The following BAZ2B variants were observed in gnomAD, a reference collection of about 807,000 sequenced individuals.
BAZ2B encodes the protein bromodomain adjacent to zinc finger domain protein 2B.
A neutral mutation model predicts 246.0 loss-of-function variants in BAZ2B; 91 were observed. The ratio of observed to expected loss-of-function variants is 0.37; its 90% CI spans 0.31 to 0.44. BAZ2B has a LOEUF of 0.44. Ranked by LOEUF, BAZ2B falls within the 20% of genes least tolerant of loss-of-function variation. BAZ2B has a pLI of 1.00. For synonymous variants in BAZ2B, 855 were observed against 860.0 expected, an observed-to-expected ratio of 0.99 and a Z score of 0.10; for missense variants, 2,332 against 2,533.7, an observed-to-expected ratio of 0.92 and a Z score of 1.71.
intron 2 of BAZ2B, among the ~76,000 whole-genome samples, chr2:159,533,392 A>G (rs2151331183): frequency 6.6e-6 from 1 of 152,352 alleles, no homozygotes; most frequent in African/African-American, 2.4e-5. Flanking sequence ...GTCTCACCGT[A>G]AACTAGCTGT....
At chr2:159,450,839 A>C (rs2074993483) in intron 4 of BAZ2B, among the ~76,000 whole-genome samples, 1 of 151,560 alleles carries the variant, frequency 6.6e-6, no homozygotes. Flanking sequence ...TCCCGGATTC[A>C]AGTGATTCTC....
chr2:159,605,323 A>C (rs1693214630), intron 1 of BAZ2B, among the ~76,000 whole-genome samples: 1 of 152,132 alleles, frequency 6.6e-6, no homozygotes, highest in Non-Finnish European at 1.5e-5. Flanking sequence ...GGTGTGAGGC[A>C]CTGCACCTGG....
rs201391634 is a variant in BAZ2B at position 159,453,638 on chromosome 2, T to G, written c.309A>C (p.Ala103=). The stretch of plus-strand genomic sequence containing the variant: ...CTGGAAAAGATGCTAGTTGGGGATG[T>G]GCGGCTAAGGCTGTGGGTGTACCAA... ...GTLGTPTALA[A]HPQLASFPGA... Residue 103 remains alanine (A), a synonymous_variant, in exon 4 of 37, where the codon GCA becomes GCC. Coordinates refer to ENST00000392783, the MANE Select transcript of BAZ2B (RefSeq NM_013450.4). 4 of 1,610,494 alleles carry G rather than the reference T, an allele frequency of 2.5e-6. No individual in the cohort carries two copies. In the Admixed American group the frequency reaches 6.7e-5, roughly 27 times the overall value.
chr2:159,694,332 T>G, the BAZ2B span: 2 of 152,198 alleles, frequency 1.3e-5, no homozygotes, highest in African/African-American at 2.4e-5. Flanking sequence ...GCCTGTAGTA[T>G]TATTTGTTAT....
intron 27 of BAZ2B, among the ~76,000 whole-genome samples, chr2:159,363,342 G>A (rs528587614): frequency 6.6e-5 from 10 of 152,268 alleles, no homozygotes; most frequent in East Asian, 1.9e-4. Flanking sequence ...CTGTGTTAGC[G>A]TAATTATAAG....
At chr2:159,540,362 T>C (rs1166062393) in intron 2 of BAZ2B, among the ~76,000 whole-genome samples, 1 of 152,204 alleles carries the variant, frequency 6.6e-6, no homozygotes, top group Non-Finnish European at 1.5e-5. Context: ...CCTTACTGAA[T>C]ATCAATACTA....
intron 6 of BAZ2B, among the ~76,000 whole-genome samples, chr2:159,442,096 T>TA (rs2073514890): frequency 6.6e-6 from 1 of 152,096 alleles, no homozygotes; most frequent in Non-Finnish European, 1.5e-5. Context: ...GAGTGATAAA[T>TA]ACCATAAGTA....
intron 9 of BAZ2B, 56 bp downstream of exon 9, chr2:159,432,701 A>G: frequency 6.5e-7 from 1 of 1,550,108 alleles, no homozygotes; most frequent in Non-Finnish European, 8.7e-7. Flanking sequence ...ACCCTTTAAA[A>G]TGTTTGGTTC....
chr2:159,682,475 C>T, the BAZ2B span, among the ~76,000 whole-genome samples: 1 of 152,152 alleles, frequency 6.6e-6, no homozygotes, highest in Admixed American at 6.5e-5. Flanking sequence ...CCAAACCTGG[C>T]CTTCAGGCTC....
intron 1 of BAZ2B, among the ~76,000 whole-genome samples, chr2:159,589,897 C>T (rs1218076546): frequency 6.6e-6 from 1 of 151,992 alleles, no homozygotes; most frequent in Non-Finnish European, 1.5e-5. Flanking sequence ...TTTAAGGATA[C>T]CCAGCAAGGC....
chr2:159,663,059 T>G, the BAZ2B span, among the ~76,000 whole-genome samples: 1 of 152,182 alleles, frequency 6.6e-6, no homozygotes, highest in Non-Finnish European at 1.5e-5. Flanking sequence ...AGATACAAGT[T>G]TCTTATTAAA....
At chr2:159,347,695 C>T (rs1417804027) in intron 30 of BAZ2B, 49 bp from the exon 31 acceptor site, 9 of 1,420,204 alleles carry the variant, frequency 6.3e-6, no homozygotes, top group Non-Finnish European at 7.7e-6. Context: ...TAAGCTTTTC[C>T]CCACAGAGAC....
intron 19 of BAZ2B, among the ~76,000 whole-genome samples, chr2:159,396,848 A>G (rs1225123179): frequency 6.6e-6 from 1 of 152,134 alleles, no homozygotes; most frequent in East Asian, 1.9e-4. Context: ...ATTTTTAGAG[A>G]GCAGCCTTAT....
At chr2:159,325,951 A>G (rs747518402) in intron 34 of BAZ2B, 33 bp from the exon 35 acceptor site, 3 of 1,522,910 alleles carry the variant, frequency 2.0e-6, no homozygotes, top group African/African-American at 2.8e-5. Context: ...ATGAGGTGTA[A>G]GAAAGTGACT....
chr2:159,485,849 G>C (rs1355292927), intron 2 of BAZ2B, among the ~76,000 whole-genome samples: 3 of 151,908 alleles, frequency 2.0e-5, no homozygotes, highest in African/African-American at 7.2e-5. Context: ...ATAGATTTCT[G>C]TTAAATCTTT....
intron 1 of BAZ2B, among the ~76,000 whole-genome samples, chr2:159,571,432 C>T (rs1683980027): frequency 6.6e-6 from 1 of 151,938 alleles, no homozygotes; most frequent in South Asian, 2.1e-4. Flanking sequence ...GTACAGAAAC[C>T]TAAAAACCCT....
At chr2:159,685,247 T>G in the BAZ2B span, among the ~76,000 whole-genome samples, 1 of 152,200 alleles carries the variant, frequency 6.6e-6, no homozygotes, top group Non-Finnish European at 1.5e-5. Context: ...GTAATTTTAT[T>G]AACAACTTCC....
In BAZ2B at chr2:159,478,860, GTAGA is replaced by G. The variant is rs1232355545; in HGVS notation, c.-2-143_-2-140del. On this transcript the variant is annotated intron_variant, in intron 2 of 36. Coordinates refer to ENST00000392783, the MANE Select transcript of BAZ2B (RefSeq NM_013450.4). The stretch of plus-strand genomic sequence containing the variant: ...GTTCTTTGGAAAGAGAAAATATGGA[GTAGA>G]TAAAAACAATATAATTTAAAATACC... 1.2e-5 allele frequency: 7 copies of G among 570,266 alleles called. No homozygotes were observed. In the African/African-American group the frequency reaches 1.4e-4, roughly 11 times the overall value. 35.3% of individuals were successfully genotyped at this position (570,266 alleles called of 1,614,324 possible).
At chr2:159,324,680 A>T in intron 36 of BAZ2B, 131 bp downstream of exon 36, 1 of 215,396 alleles carries the variant, frequency 4.6e-6, no homozygotes, top group Non-Finnish European at 8.2e-6. Context: ...ACACACACAC[A>T]CACACACACC....
Sources: gnomAD v4.1 joint callset for allele counts (sites outside exome capture counted in the v4.1 genomes callset) on GRCh38, gnomAD v4.1.1 for gene constraint, MANE v1.5 for transcripts, NCBI Gene and HGNC (gene_info 2026-07-23, HGNC 2026-07-21) for gene names.